Variants in CNTN6 observed in about 807,000 individuals in gnomAD.
The protein encoded by CNTN6 is contactin-6.
CNTN6 carries 137 observed loss-of-function variants against 122.8 expected under a neutral mutation model. The observed-to-expected ratio is 1.12, with a 90% CI of 0.97 to 1.29. CNTN6 has a LOEUF of 1.29. Among genes scored for constraint, CNTN6 ranks in the 50% most tolerant of loss-of-function variants. The pLI is 0.00. For synonymous variants in CNTN6, 570 were observed against 426.0 expected (o/e 1.34, Z -4.16); for missense variants, 1,634 against 1,223.4 (o/e 1.34, Z -5.01).
chr3:1,151,543 A>G (rs2092842947), intron 2 of CNTN6, among the ~76,000 whole-genome samples: 1 of 152,240 alleles, frequency 6.6e-6, no homozygotes, highest in African/African-American at 2.4e-5. Context: ...CCTAATACAC[A>G]GATTCTAAAT....
intron 1 of CNTN6, among the ~76,000 whole-genome samples, chr3:1,125,811 A>G (rs2092139342): frequency 6.6e-6 from 1 of 151,790 alleles, no homozygotes; most frequent in Non-Finnish European, 1.5e-5. Context: ...TGATATGACA[A>G]CCACAGACAT....
At chr3:1,342,859 T>G (rs1230233811) in intron 11 of CNTN6, among the ~76,000 whole-genome samples, 1 of 152,148 alleles carries the variant, frequency 6.6e-6, no homozygotes, top group Non-Finnish European at 1.5e-5. Context: ...GAATGTAGAG[T>G]TGACCGTTGG....
At chr3:1,195,032 C>T (rs1441194714) in intron 2 of CNTN6, among the ~76,000 whole-genome samples, 3 of 152,068 alleles carry the variant, frequency 2.0e-5, no homozygotes, top group East Asian at 3.9e-4. Context: ...CTACCCACAT[C>T]CCAACCATCT....
Position 1,372,920 on chromosome 3 carries a change from A to G in CNTN6, c.1751A>G (p.Glu584Gly), listed in dbSNP as rs779605262. ...KYLCTVQTTL[E>G]SLSAVADIIV... ...CTCTGCACAGTACAAACAACCCTAG[A>G]AAGTTTATCTGCAGTAGCCGATATC... The change falls in exon 14 of 23, where the codon GAA (glutamate) becomes GGA (glycine). Residue 584 changes from glutamate to glycine, a missense_variant. By Grantham distance (98) the Glu-to-Gly change is moderately conservative (BLOSUM62 -2). Transcript: ENST00000446702. The G allele has an allele frequency of 2.5e-6, 4 of 1,605,576 alleles. No individual in the cohort carries two copies. The South Asian group carries it at 3.3e-5, about 13-fold the overall frequency.
At chr3:1,257,883 C>G (rs2094785161) in intron 4 of CNTN6, among the ~76,000 whole-genome samples, 1 of 152,118 alleles carries the variant, frequency 6.6e-6, no homozygotes, top group South Asian at 2.1e-4. Context: ...CTTATTCTTC[C>G]TGTAAATAGG....
intron 2 of CNTN6, among the ~76,000 whole-genome samples, chr3:1,208,167 A>G (rs1197172885): frequency 6.6e-6 from 1 of 152,102 alleles, no homozygotes; most frequent in African/African-American, 2.4e-5. Context: ...GGATCTAAAC[A>G]TATCATAATC....
intron 2 of CNTN6, among the ~76,000 whole-genome samples, chr3:1,161,486 T>C (rs1575073856): frequency 2.6e-5 from 4 of 151,668 alleles, no homozygotes; most frequent in Admixed American, 2.6e-4. Flanking sequence ...AATTGTGGGC[T>C]ACACATCACA....
At chr3:1,208,631 T>A (rs772225669) in intron 2 of CNTN6, among the ~76,000 whole-genome samples, 3 of 152,136 alleles carry the variant, frequency 2.0e-5, no homozygotes, top group African/African-American at 4.8e-5. Context: ...ATTTACGGTA[T>A]GAGTTCTGGA....
At chr3:1,138,252 T>C (rs780952845) in intron 1 of CNTN6, among the ~76,000 whole-genome samples, 6 of 152,210 alleles carry the variant, frequency 3.9e-5, no homozygotes, top group Non-Finnish European at 8.8e-5. Context: ...ATGCTTTTAT[T>C]AATGCAACCT....
intron 7 of CNTN6, among the ~76,000 whole-genome samples, chr3:1,312,326 A>G (rs920981992): frequency 1.3e-5 from 2 of 151,898 alleles, no homozygotes; most frequent in Non-Finnish European, 2.9e-5. Context: ...AAGAATATAT[A>G]TATATGTATA....
intron 14 of CNTN6, 82 bp from the exon 15 acceptor site, chr3:1,373,522 C>G: frequency 7.6e-7 from 1 of 1,321,050 alleles, no homozygotes; most frequent in Non-Finnish European, 1.1e-6. Context: ...CTAAGCACAA[C>G]AGGTAAAAAT....
intron 11 of CNTN6, among the ~76,000 whole-genome samples, chr3:1,334,692 C>T (rs1412135576): frequency 6.6e-6 from 1 of 152,096 alleles, no homozygotes; most frequent in East Asian, 1.9e-4. Flanking sequence ...AGAGCCCTAT[C>T]AGCTAGGCTG....
chr3:1,374,012 C>G lies in CNTN6; in HGVS notation c.2034C>G (p.Gly678=). Residue 678 remains glycine, a synonymous_variant, in exon 16 of 23, where the codon GGC becomes GGG. Transcript: ENST00000446702. ...AATATGAATTTCGTGTTGTTGCCGG[C>G]AACAGCATTGGGATTGGAGAACCAA... ...WVEYEFRVVA[G]NSIGIGEPSE... The G allele has an allele frequency of 6.2e-7, 1 of 1,613,112 alleles. No individual in the cohort carries two copies. The highest frequency in any genetic ancestry group is 8.5e-7 in the Non-Finnish European group (1 of 1,179,364).
chr3:1,362,089 C>G (rs569085135), intron 12 of CNTN6, among the ~76,000 whole-genome samples: 1 of 152,142 alleles, frequency 6.6e-6, no homozygotes, highest in South Asian at 2.1e-4. Flanking sequence ...TAGTAAGAAA[C>G]AAAACAAAAT....
chr3:1,286,127 G>A (rs1225807644), intron 5 of CNTN6, among the ~76,000 whole-genome samples: 2 of 152,216 alleles, frequency 1.3e-5, no homozygotes, highest in Admixed American at 1.3e-4. Context: ...GTAGAAGTCA[G>A]GATTTTCCAA....
chr3:1,295,020 A>G (rs1695969104), intron 5 of CNTN6, among the ~76,000 whole-genome samples: 2 of 152,198 alleles, frequency 1.3e-5, no homozygotes, highest in South Asian at 4.1e-4. Flanking sequence ...TGGGAGGCTA[A>G]GGCAGGAGAA....
chr3:1,249,327 C>G (rs1474479126), intron 4 of CNTN6, among the ~76,000 whole-genome samples: 1 of 152,158 alleles, frequency 6.6e-6, no homozygotes, highest in Non-Finnish European at 1.5e-5. Context: ...CCATATGTGT[C>G]AAACATAAGT....
intron 7 of CNTN6, among the ~76,000 whole-genome samples, chr3:1,309,767 A>C (rs564505607): frequency 6.6e-6 from 1 of 152,316 alleles, no homozygotes; most frequent in South Asian, 2.1e-4. Context: ...CCATGAACAC[A>C]GACTATTTCT....
chr3:1,239,328 A>T (rs762283959), intron 4 of CNTN6, among the ~76,000 whole-genome samples: 2 of 152,236 alleles, frequency 1.3e-5, no homozygotes, highest in Admixed American at 1.3e-4. Context: ...AAGTTTCCAG[A>T]TACAAAATTA....
Sources: allele counts gnomAD v4.1 joint callset (sites outside exome capture counted in the v4.1 genomes callset), GRCh38; gene constraint gnomAD v4.1.1; transcripts MANE v1.5; gene names NCBI Gene and HGNC (gene_info 2026-07-23, HGNC 2026-07-21).